OXR1: variants seen among roughly 807,000 people sequenced by gnomAD.
OXR1 encodes oxidation resistance 1.
In OXR1, 41 loss-of-function variants were observed where a neutral mutation model predicts 104.6. The observed-to-expected ratio is 0.39, with a 90% CI of 0.31 to 0.51. The LOEUF is 0.51. OXR1 is among the 20% of genes least tolerant of loss of function. The pLI, the probability that OXR1 is intolerant of heterozygous loss-of-function variation, is 0.77. For synonymous variants in OXR1, 348 were observed against 348.4 expected, an observed-to-expected ratio of 1.00 and a Z score of 0.01; for missense variants, 955 against 1,031.9, an observed-to-expected ratio of 0.93 and a Z score of 1.02.
chr8:106,395,691 C>T (rs1817748797), intron 2 of OXR1, among the ~76,000 whole-genome samples: 1 of 152,070 alleles, frequency 6.6e-6, no homozygotes, highest in Non-Finnish European at 1.5e-5. Context: ...TCGTTTAGTA[C>T]AGATACATCT....
rs187405248 is a variant in OXR1, at chr8:106,404,807, G to A, written c.23+45171G>A. On this transcript the variant is annotated intron_variant, in intron 2 of 16. Coordinates refer to ENST00000517566, the MANE Select transcript of OXR1 (RefSeq NM_001198533.2). ...TGCAAGCTCCACCTCCCAGGTTCAT[G>A]CCTTTGTCCTGCCTCAGCCTCCTGA... Among the ~76,000 whole-genome samples the A allele has an allele frequency of 5.2e-3, 788 of 152,056 alleles. 9 individuals carry two copies. The highest frequency in any genetic ancestry group is 0.018 in the African/African-American group (755 of 41,510).
At chr8:106,621,810 A>C (rs1001300652) in intron 3 of OXR1, among the ~76,000 whole-genome samples, 2 of 152,202 alleles carry the variant, frequency 1.3e-5, no homozygotes, top group Admixed American at 1.3e-4. Context: ...TTTTTCTACT[A>C]TACTACATCT....
intron 10 of OXR1, among the ~76,000 whole-genome samples, chr8:106,710,992 A>G (rs948925985): frequency 6.6e-5 from 10 of 152,094 alleles, no homozygotes; most frequent in Admixed American, 2.0e-4. Context: ...TTTATTATTT[A>G]AAAATGTGAA....
chr8:106,576,398 T>C (rs1817833627), intron 3 of OXR1, among the ~76,000 whole-genome samples: 1 of 150,996 alleles, frequency 6.6e-6, no homozygotes, highest in South Asian at 2.1e-4. Context: ...GTAGAAATTA[T>C]TCTTTTGTAT....
At chr8:106,668,121 T>C (rs1417699208) in intron 3 of OXR1, among the ~76,000 whole-genome samples, 1 of 152,204 alleles carries the variant, frequency 6.6e-6, no homozygotes, top group Non-Finnish European at 1.5e-5. Flanking sequence ...CATTTTACTA[T>C]TTTTACATTG....
At chr8:106,437,154 CTG>C (rs1554574116) in intron 2 of OXR1, among the ~76,000 whole-genome samples, 10 of 152,090 alleles carry the variant, frequency 6.6e-5, no homozygotes, top group Non-Finnish European at 1.5e-4. Flanking sequence ...CATTGTGAGA[CTG>C]TGAAGCTCCT....
At chr8:106,694,618 ATATTTGATATATAAATATATG>A (rs1829690533) in intron 7 of OXR1, among the ~76,000 whole-genome samples, 40 of 114,014 alleles carry the variant, frequency 3.5e-4, no homozygotes, top group African/African-American at 1.4e-3. Context: ...ATGTTTATAT[ATATTTGATATATAAATATATG>A]TTTATATATA....
chr8:106,603,984 C>T (rs550369808), intron 3 of OXR1, among the ~76,000 whole-genome samples: 35 of 152,164 alleles, frequency 2.3e-4, no homozygotes, highest in South Asian at 1.5e-3. Flanking sequence ...ACCCAGGAGG[C>T]GGTTGTTGCA....
Position 106,694,640 on chromosome 8 carries a change from TTTATATATATTTGATATATAAATATATG to T in OXR1, c.675+1766_675+1793del, listed in dbSNP as rs1205153789. ...TATATATTTGATATATAAATATATG[TTTATATATATTTGATATATAAATATATG>T]TTTATATATTTAATATATAAATATA... is the stretch of plus-strand genomic sequence containing the variant. On this transcript the variant is annotated intron_variant, in intron 7 of 16. Transcript: ENST00000517566. 4.6e-4 allele frequency among the ~76,000 whole-genome samples: 47 copies of T among 102,388 alleles called. 1 individual carries two copies. The highest frequency in any genetic ancestry group is 1.4e-3 in the Admixed American group (11 of 8,062). 67.2% of individuals were successfully genotyped at this position (102,388 alleles called of 152,430 possible). A position where few individuals can be genotyped will look rare whatever the true frequency, so the allele number is the denominator to read the frequency against.
chr8:106,474,733 C>G (rs1294200809), intron 2 of OXR1, among the ~76,000 whole-genome samples: 1 of 151,940 alleles, frequency 6.6e-6, no homozygotes, highest in East Asian at 1.9e-4. Context: ...TATTTACTAT[C>G]TATCCCTTTC....
At chr8:106,412,968 A>G (rs1402591930) in intron 2 of OXR1, among the ~76,000 whole-genome samples, 1 of 152,074 alleles carries the variant, frequency 6.6e-6, no homozygotes, top group Admixed American at 6.6e-5. Context: ...TTTTTCTGAA[A>G]GCTAATCTTG....
At chr8:106,355,592 T>C (rs991461810) in intron 1 of OXR1, among the ~76,000 whole-genome samples, 5 of 152,106 alleles carry the variant, frequency 3.3e-5, no homozygotes, top group African/African-American at 1.2e-4. Context: ...GGAAAGATGA[T>C]ATAACAACAA....
intron 2 of OXR1, among the ~76,000 whole-genome samples, chr8:106,433,544 G>C (rs1309303650): frequency 6.6e-6 from 1 of 152,180 alleles, no homozygotes; most frequent in African/African-American, 2.4e-5. Context: ...TTGTTTCAGA[G>C]TCAAACCATG....
chr8:106,686,305 A>G (rs1828715502), intron 6 of OXR1, among the ~76,000 whole-genome samples: 1 of 142,534 alleles, frequency 7.0e-6, no homozygotes, highest in Non-Finnish European at 1.5e-5. Flanking sequence ...AAAAAAAAAG[A>G]GGTAAGAGAA....
intron 3 of OXR1, among the ~76,000 whole-genome samples, chr8:106,645,186 G>A (rs1329783449): frequency 1.3e-5 from 2 of 152,164 alleles, no homozygotes; most frequent in Admixed American, 1.3e-4. Flanking sequence ...CAATCTGAGG[G>A]CCTAACAATG....
chr8:106,517,781 G>T (rs1812956959), intron 2 of OXR1, among the ~76,000 whole-genome samples: 1 of 152,114 alleles, frequency 6.6e-6, no homozygotes, highest in African/African-American at 2.4e-5. Flanking sequence ...GATAATATAG[G>T]TCGTATATGG....
At chr8:106,507,581 G>A (rs1462431828) in intron 2 of OXR1, among the ~76,000 whole-genome samples, 1 of 152,232 alleles carries the variant, frequency 6.6e-6, no homozygotes, top group African/African-American at 2.4e-5. Flanking sequence ...GGAGAGGGTT[G>A]TGCAGGGAAT....
intron 3 of OXR1, among the ~76,000 whole-genome samples, chr8:106,640,247 A>G (rs1019597532): frequency 7.9e-5 from 12 of 151,944 alleles, no homozygotes; most frequent in Non-Finnish European, 1.5e-4. Flanking sequence ...TCATACAACC[A>G]ATGCAAATAT....
At chr8:106,672,013 G>A (rs536462501) in intron 3 of OXR1, among the ~76,000 whole-genome samples, 2 of 145,884 alleles carry the variant, frequency 1.4e-5, no homozygotes, top group Admixed American at 6.8e-5. Context: ...ATAAAAGGCT[G>A]TGAGGAGTCA....
Sources: gnomAD v4.1 joint callset for allele counts (sites outside exome capture counted in the v4.1 genomes callset) on GRCh38, gnomAD v4.1.1 for gene constraint, MANE v1.5 for transcripts, NCBI Gene and HGNC (gene_info 2026-07-23, HGNC 2026-07-21) for gene names.